Variants in FAT3 observed in about 807,000 individuals in gnomAD.
FAT3 encodes protocadherin Fat 3.
FAT3 carries 95 observed loss-of-function variants against 310.2 expected under a neutral mutation model. The observed-to-expected ratio is 0.31, with a 90% CI of 0.26 to 0.36. The LOEUF is 0.36. Ranked by LOEUF, FAT3 falls within the 10% of genes least tolerant of loss-of-function variation. The pLI is 1.00. For synonymous variants in FAT3, 2,314 were observed against 2,192.9 expected (o/e 1.06, Z -1.54); for missense variants, 5,408 against 5,715.6 (o/e 0.95, Z 1.74).
At chr11:92,605,255 C>A (rs568862538) in intron 3 of FAT3, among the ~76,000 whole-genome samples, 1 of 152,192 alleles carries the variant, frequency 6.6e-6, no homozygotes, top group South Asian at 2.1e-4. Flanking sequence ...TCAAACGCAA[C>A]CTTCCCTCTT....
In FAT3 at chr11:92,809,494, T is replaced by C. The variant is rs576752521; in HGVS notation, c.9248-349T>C. ...ATTCTCTGTGTGTTTTCTGGACATA[T>C]AGCAGAAATCCAGAGACTGATCTCC... On this transcript the variant is annotated intron_variant, in intron 12 of 27. Coordinates refer to ENST00000525166, the MANE Select transcript of FAT3 (RefSeq NM_001367949.2). Among the ~76,000 whole-genome samples, 6 of 152,320 alleles carry C rather than the reference T, an allele frequency of 3.9e-5. No homozygotes were observed. The East Asian group carries it at 9.7e-4, about 25-fold the overall frequency.
At chr11:92,444,172 G>A (rs769843151) in intron 2 of FAT3, among the ~76,000 whole-genome samples, 9 of 152,234 alleles carry the variant, frequency 5.9e-5, no homozygotes, top group Non-Finnish European at 8.8e-5. Flanking sequence ...CTGGGGAGGG[G>A]TGGTGGTTGT....
intron 3 of FAT3, among the ~76,000 whole-genome samples, chr11:92,681,420 A>G (rs1943477457): frequency 6.6e-6 from 1 of 152,242 alleles, no homozygotes; most frequent in South Asian, 2.1e-4. Context: ...GGGTGTTGCC[A>G]AGGGAAGGTC....
intron 2 of FAT3, among the ~76,000 whole-genome samples, chr11:92,363,961 C>T (rs142446848): frequency 6.6e-6 from 1 of 152,218 alleles, no homozygotes; most frequent in Non-Finnish European, 1.5e-5. Context: ...CTCTTTTCAG[C>T]AGGTGTCTTC....
intron 2 of FAT3, among the ~76,000 whole-genome samples, chr11:92,501,573 TGTGTGTGTGGGAAGTGC>T (rs1319550584): frequency 2.0e-5 from 3 of 152,040 alleles, no homozygotes; most frequent in Admixed American, 6.6e-5. Context: ...AACAGTCATT[TGTGTGTGTGGGAAGTGC>T]GTGTGTGTGG....
intron 7 of FAT3, among the ~76,000 whole-genome samples, chr11:92,774,447 T>C (rs1565583969): frequency 6.6e-6 from 1 of 152,238 alleles, no homozygotes; most frequent in Non-Finnish European, 1.5e-5. Context: ...TAGATTTATC[T>C]GTTTGACAAT....
At chr11:92,741,794 T>C (rs1025260516) in intron 4 of FAT3, among the ~76,000 whole-genome samples, 7 of 152,170 alleles carry the variant, frequency 4.6e-5, no homozygotes, top group Admixed American at 6.5e-5. Flanking sequence ...AAAGAAAAAA[T>C]ACTACCTGTT....
chr11:92,540,142 A>C (rs569626961), intron 3 of FAT3, among the ~76,000 whole-genome samples: 7 of 152,188 alleles, frequency 4.6e-5, no homozygotes, highest in Non-Finnish European at 7.4e-5. Context: ...GCCAGCATAC[A>C]CTTCTGTTCT....
intron 2 of FAT3, among the ~76,000 whole-genome samples, chr11:92,454,753 G>A (rs1951453110): frequency 6.6e-6 from 1 of 152,168 alleles, no homozygotes; most frequent in Non-Finnish European, 1.5e-5. Context: ...AAGGGCCAGT[G>A]AAATTTTAAA....
chr11:92,440,860 C>T (rs1951049956), intron 2 of FAT3, among the ~76,000 whole-genome samples: 1 of 152,148 alleles, frequency 6.6e-6, no homozygotes, highest in Non-Finnish European at 1.5e-5. Flanking sequence ...GTTGTAGGGT[C>T]GTAGTTCTGG....
At chr11:92,637,837 A>G (rs1234810681) in intron 3 of FAT3, among the ~76,000 whole-genome samples, 2 of 152,238 alleles carry the variant, frequency 1.3e-5, no homozygotes. Context: ...ATCCCTTATT[A>G]TACATGAGGC....
At chr11:92,705,317 G>GGTGATGGTGGTGGT (rs1172708161) in intron 4 of FAT3, among the ~76,000 whole-genome samples, 2 of 147,628 alleles carry the variant, frequency 1.4e-5, no homozygotes, top group African/African-American at 2.5e-5. Flanking sequence ...TGATGATGGT[G>GGTGATGGTGGTGGT]GTGATGGTGG....
intron 14 of FAT3, among the ~76,000 whole-genome samples, chr11:92,833,396 C>A (rs1049147936): frequency 2.0e-5 from 3 of 152,120 alleles, no homozygotes; most frequent in Non-Finnish European, 4.4e-5. Context: ...TAAATATAAA[C>A]AAGAAATCAT....
At chr11:92,795,557 C>A (rs1164430720) in intron 9 of FAT3, among the ~76,000 whole-genome samples, 1 of 151,828 alleles carries the variant, frequency 6.6e-6, no homozygotes, top group African/African-American at 2.4e-5. Context: ...GATGTATCAG[C>A]ACACCATTCT....
chr11:92,751,672 C>T (rs557857841), intron 4 of FAT3, among the ~76,000 whole-genome samples: 8 of 152,158 alleles, frequency 5.3e-5, no homozygotes, highest in African/African-American at 1.9e-4. Context: ...TCCCTATTAT[C>T]AAAGGAGGAA....
chr11:92,463,039 G>A (rs993884538), intron 2 of FAT3, among the ~76,000 whole-genome samples: 5 of 152,206 alleles, frequency 3.3e-5, no homozygotes, highest in African/African-American at 9.7e-5. Flanking sequence ...CATGCTCAGC[G>A]TGGAGCAGCC....
intron 4 of FAT3, among the ~76,000 whole-genome samples, chr11:92,757,209 C>T (rs1036646705): frequency 3.9e-5 from 6 of 152,138 alleles, no homozygotes; most frequent in African/African-American, 1.4e-4. Context: ...CAGGCATGAG[C>T]CACTGCACCC....
At chr11:92,773,597 A>G (rs1247373257) in intron 6 of FAT3, among the ~76,000 whole-genome samples, 1 of 152,180 alleles carries the variant, frequency 6.6e-6, no homozygotes, top group Admixed American at 6.6e-5. Flanking sequence ...AATGTTTACC[A>G]TCAATCCTGG....
chr11:92,430,996 C>T (rs1486264129), intron 2 of FAT3, among the ~76,000 whole-genome samples: 9 of 152,148 alleles, frequency 5.9e-5, no homozygotes, highest in Non-Finnish European at 1.3e-4. Flanking sequence ...TTTATAGCAG[C>T]ATGATTTATA....
Sources: allele counts gnomAD v4.1 joint callset (sites outside exome capture counted in the v4.1 genomes callset), GRCh38; gene constraint gnomAD v4.1.1; transcripts MANE v1.5; gene names NCBI Gene and HGNC (gene_info 2026-07-23, HGNC 2026-07-21).